Variants in MYO6 observed in about 807,000 individuals in gnomAD.
MYO6 encodes myosin VI.
In MYO6, 74 loss-of-function variants were observed where a neutral mutation model predicts 178.7. The ratio of observed to expected loss-of-function variants is 0.41; its 90% confidence interval spans 0.34 to 0.50. The LOEUF is 0.50. Ranked by LOEUF, MYO6 falls within the 20% of genes least tolerant of loss-of-function variation. The pLI is 0.09. For synonymous variants in MYO6, 477 were observed against 504.6 expected, an observed-to-expected ratio of 0.95 and a Z score of 0.73; for missense variants, 1,330 against 1,547.4, an observed-to-expected ratio of 0.86 and a Z score of 2.36.
intron 1 of MYO6, among the ~76,000 whole-genome samples, chr6:75,805,021 A>ATATATAT (rs1252912172): frequency 3.8e-4 from 29 of 77,284 alleles, no homozygotes; most frequent in African/African-American, 2.7e-3. Flanking sequence ...ATATATATAT[A>ATATATAT]TTTTTTTTTT....
At chr6:75,796,781 T>G (rs1385890199) in intron 1 of MYO6, among the ~76,000 whole-genome samples, 1 of 152,104 alleles carries the variant, frequency 6.6e-6, no homozygotes, top group Non-Finnish European at 1.5e-5. Flanking sequence ...GCTCCCATCT[T>G]TATGTCCATG....
chr6:75,887,038 TA>T (rs760817278), intron 25 of MYO6, 44 bp downstream of exon 25: 241 of 1,564,482 alleles, frequency 1.5e-4, no homozygotes, highest in Middle Eastern at 1.4e-3. Context: ...TTATGTAATT[TA>T]ATATATTTTG....
chr6:75,884,941 G>A (rs145181870), intron 23 of MYO6, among the ~76,000 whole-genome samples: 2 of 152,310 alleles, frequency 1.3e-5, no homozygotes, highest in African/African-American at 4.8e-5. Flanking sequence ...TTCTAATCTT[G>A]GAGCTAATTT....
At chr6:75,866,762 C>T (rs1454603059) in intron 17 of MYO6, 141 bp downstream of exon 17, 5 of 1,046,728 alleles carry the variant, frequency 4.8e-6, no homozygotes, top group African/African-American at 3.2e-5. Flanking sequence ...TTCCTCAGTA[C>T]ACTAGCCACA....
intron 16 of MYO6, among the ~76,000 whole-genome samples, chr6:75,866,093 T>C (rs1314495170): frequency 6.6e-6 from 1 of 152,212 alleles, no homozygotes; most frequent in Non-Finnish European, 1.5e-5. Context: ...TAAAAAGTTA[T>C]CCAGGTAATT....
chr6:75,859,667 C>CTTT (rs34957875), intron 14 of MYO6, among the ~76,000 whole-genome samples: 6 of 118,288 alleles, frequency 5.1e-5, no homozygotes, highest in Non-Finnish European at 7.0e-5. Context: ...ATCTCCCACT[C>CTTT]TTTTTTTTTT....
intron 9 of MYO6, among the ~76,000 whole-genome samples, chr6:75,844,657 T>C (rs571444614): frequency 1.3e-5 from 2 of 152,122 alleles, no homozygotes; most frequent in Non-Finnish European, 2.9e-5. Context: ...GTCATTGATT[T>C]TTAATCATTT....
rs773269661 is a variant in MYO6 at position 75,890,161 on chromosome 6, G to A, written c.2763G>A (p.Glu921=). The A allele has an allele frequency of 1.9e-6, 3 of 1,613,586 alleles. No individual in the cohort carries two copies. The highest frequency in any genetic ancestry group is 2.5e-6 in the Non-Finnish European group (3 of 1,179,682). The change falls in exon 26 of 35, where the codon GAG becomes GAA. Residue 921 remains glutamate, a synonymous_variant. Transcript: ENST00000369977. ...SALQKKKQQE[E]EAERLRRIQE... is the part of the protein sequence containing the mutation. ...TACAGAAAAAAAAACAGCAGGAAGA[G>A]GAAGCAGAAAGGCTGAGGCGTATTC...
chr6:75,844,023 T>C (rs1774490623), intron 9 of MYO6, among the ~76,000 whole-genome samples: 1 of 152,194 alleles, frequency 6.6e-6, no homozygotes, highest in Non-Finnish European at 1.5e-5. Flanking sequence ...CATCCTGTTC[T>C]CTGTGTACAT....
Position 75,914,797 on chromosome 6 carries a change from T to C in MYO6, c.3659-16T>C, listed in dbSNP as rs750273754. On this transcript the variant is annotated splice_polypyrimidine_tract_variant and intron_variant, in intron 34 of 34. Coordinates refer to ENST00000369977, the MANE Select transcript of MYO6 (RefSeq NM_004999.4). Reference sequence around the variant, plus strand: ...GAAGAGAGAGATGGTAATTTTCTGATATCTCATGAATACAGGTAAGGACGA... The same window carrying C: ...GAAGAGAGAGATGGTAATTTTCTGACATCTCATGAATACAGGTAAGGACGA... 1 of 1,612,802 alleles carries C rather than the reference T, an allele frequency of 6.2e-7. No individual in the cohort carries two copies.
intron 7 of MYO6, 58 bp downstream of exon 7, chr6:75,836,014 T>G: frequency 8.6e-7 from 1 of 1,163,382 alleles, no homozygotes; most frequent in East Asian, 2.3e-5. Context: ...AAGACTTCTT[T>G]TAGTGGTCTG....
intron 32 of MYO6, among the ~76,000 whole-genome samples, chr6:75,911,199 A>C (rs1035033774): frequency 2.0e-5 from 3 of 152,016 alleles, no homozygotes; most frequent in African/African-American, 7.2e-5. Context: ...ATAAAATAAA[A>C]ATGGCATGAG....
chr6:75,809,648 G>A (rs2748966), intron 1 of MYO6, among the ~76,000 whole-genome samples: 117,070 of 151,494 alleles, frequency 0.77, 46,441 homozygotes, highest in East Asian at 0.95. Context: ...AAGTGGGGGG[G>A]TGGTGGAATG....
chr6:75,771,698 T>A (rs1006896311), intron 1 of MYO6, among the ~76,000 whole-genome samples: 1 of 152,208 alleles, frequency 6.6e-6, no homozygotes, highest in Non-Finnish European at 1.5e-5. Flanking sequence ...CATTTGATAC[T>A]GTGAGAAGTC....
intron 10 of MYO6, 57 bp from the exon 11 acceptor site, chr6:75,848,294 T>G (rs760448711): frequency 8.7e-6 from 13 of 1,500,464 alleles, no homozygotes; most frequent in Non-Finnish European, 1.2e-5. Flanking sequence ...GGTGTAGTAG[T>G]TTTAGTGTAC....
chr6:75,830,766 C>A (rs1278666885), intron 5 of MYO6, among the ~76,000 whole-genome samples: 1 of 152,178 alleles, frequency 6.6e-6, no homozygotes. Flanking sequence ...TACCATACAT[C>A]ATTATCTGTG....
chr6:75,845,044 A>G (rs1266226285), intron 10 of MYO6, 67 bp downstream of exon 10: 20 of 1,329,428 alleles, frequency 1.5e-5, no homozygotes, highest in Non-Finnish European at 2.2e-5. Flanking sequence ...GATGTGTTAT[A>G]ATTTTTATTT....
rs1198548542 is a variant in MYO6, at chr6:75,917,345, AG to A, written c.*2335del. 3 of 152,694 alleles carry A rather than the reference AG, an allele frequency of 2.0e-5. No homozygotes were observed. Among genetic ancestry groups the A allele is most frequent in the Admixed American group, 2.0e-4 (3 of 15,288 alleles). The allele number at this position is 152,694 out of a possible 1,614,324, so 9.5% of individuals were successfully genotyped here. ...TCTTTCCATAGCATATGCTTTGCAA[AG>A]GCAGCATGCATAAAATATTTAAAAT... On this transcript the variant is annotated 3_prime_UTR_variant, in exon 35 of 35. Coordinates refer to ENST00000369977, the MANE Select transcript of MYO6 (RefSeq NM_004999.4).
At chr6:75,837,336 AT>A in intron 7 of MYO6, among the ~76,000 whole-genome samples, 1 of 152,324 alleles carries the variant, frequency 6.6e-6, no homozygotes. Context: ...AAATTCGGAT[AT>A]AAAGCTAAGC....
Sources: allele counts gnomAD v4.1 joint callset (sites outside exome capture counted in the v4.1 genomes callset), GRCh38; gene constraint gnomAD v4.1.1; transcripts MANE v1.5; gene names NCBI Gene and HGNC (gene_info 2026-07-23, HGNC 2026-07-21).